DSCAM: variants seen among roughly 807,000 people sequenced by gnomAD.
DSCAM encodes cell adhesion molecule DSCAM.
DSCAM carries 47 observed loss-of-function variants against 217.7 expected under a neutral mutation model. The observed-to-expected ratio is 0.22, with a 90% CI of 0.17 to 0.28. DSCAM has a LOEUF of 0.28. Ranked by LOEUF, DSCAM falls within the 10% of genes least tolerant of loss-of-function variation. The pLI is 1.00. For missense variants in DSCAM, 2,080 were observed against 2,618.3 expected, an observed-to-expected ratio of 0.79 and a Z score of 4.49; for synonymous variants, 1,056 against 1,015.3, an observed-to-expected ratio of 1.04 and a Z score of -0.76.
chr21:40,194,615 T>C (rs548889621), intron 11 of DSCAM, among the ~76,000 whole-genome samples: 1 of 152,344 alleles, frequency 6.6e-6, no homozygotes, highest in South Asian at 2.1e-4. Context: ...TTACATCATA[T>C]CAATTTATAA....
chr21:40,396,010 T>C (rs546968717), intron 3 of DSCAM, among the ~76,000 whole-genome samples: 1 of 152,322 alleles, frequency 6.6e-6, no homozygotes, highest in Non-Finnish European at 1.5e-5. Flanking sequence ...GCTGACTTTA[T>C]GCCTGTGCCT....
At position 40,489,858 on chromosome 21, in the gene DSCAM, A is replaced by G. The variant is rs535198650; in HGVS notation, c.509-120613T>C. On this transcript the variant is annotated intron_variant, in intron 3 of 32. Coordinates refer to ENST00000400454, the MANE Select transcript of DSCAM (RefSeq NM_001389.5). ...CCCTAAGACATCTTCCATCCCCTAA[A>G]TTTTGGAAATGGAAATAAAAATCAA... is the stretch of plus-strand genomic sequence containing the variant. Among the ~76,000 whole-genome samples, 10 of 151,434 alleles carry G rather than the reference A, an allele frequency of 6.6e-5. 1 individual carries two copies. The South Asian group carries it at 2.1e-3, about 32-fold the overall frequency.
chr21:40,022,264 G>T (rs1186700549), intron 32 of DSCAM, among the ~76,000 whole-genome samples: 1 of 152,150 alleles, frequency 6.6e-6, no homozygotes, highest in Non-Finnish European at 1.5e-5. Context: ...ACAGGGGAGG[G>T]TGACACTATT....
rs1294626831 is a variant in DSCAM at position 40,809,961 on chromosome 21, C to T, written c.43+36658G>A. On this transcript the variant is annotated intron_variant, in intron 1 of 32. Coordinates refer to ENST00000400454, the MANE Select transcript of DSCAM (RefSeq NM_001389.5). ...CTTCAGGAGAAAAATATTAGCAGTG[C>T]ATTGCACCATTGCCTCCTGACTTCA... Among the ~76,000 whole-genome samples the T allele has an allele frequency of 4.6e-5, 7 of 152,306 alleles. No homozygotes were observed. The East Asian group carries it at 5.8e-4, about 13-fold the overall frequency.
intron 15 of DSCAM, among the ~76,000 whole-genome samples, chr21:40,169,542 G>A (rs1442034276): frequency 6.6e-6 from 1 of 152,122 alleles, no homozygotes; most frequent in African/African-American, 2.4e-5. Context: ...GGACCAAGCA[G>A]GAAGCTGATT....
chr21:40,315,991 G>A (rs1397755770), intron 8 of DSCAM, among the ~76,000 whole-genome samples: 2 of 152,136 alleles, frequency 1.3e-5, no homozygotes, highest in South Asian at 4.1e-4. Flanking sequence ...TTGTTTGGGA[G>A]CACATTGCCC....
chr21:40,563,261 A>G (rs891478138), intron 3 of DSCAM, among the ~76,000 whole-genome samples: 2 of 152,076 alleles, frequency 1.3e-5, no homozygotes, highest in Admixed American at 1.3e-4. Context: ...CTTGCTAAAC[A>G]AAGATAGTTT....
chr21:40,719,778 T>G (rs2146504640), intron 1 of DSCAM, among the ~76,000 whole-genome samples: 1 of 152,266 alleles, frequency 6.6e-6, no homozygotes, highest in Admixed American at 6.5e-5. Flanking sequence ...AGAATAAAGT[T>G]TGCCCGTGGG....
intron 28 of DSCAM, among the ~76,000 whole-genome samples, chr21:40,060,760 T>TA (rs1257417237): frequency 2.0e-5 from 3 of 152,236 alleles, no homozygotes; most frequent in Admixed American, 6.5e-5. Flanking sequence ...TTCATATTTT[T>TA]AAAGTCTACC....
At chr21:40,312,012 G>A in intron 9 of DSCAM, 69 bp downstream of exon 9, 16 of 1,108,556 alleles carry the variant, frequency 1.4e-5, no homozygotes, top group Non-Finnish European at 1.8e-5. Context: ...AATATTTCAA[G>A]CCCCATCATC....
At chr21:40,324,842 T>C (rs2074300824) in intron 8 of DSCAM, among the ~76,000 whole-genome samples, 1 of 152,192 alleles carries the variant, frequency 6.6e-6, no homozygotes, top group African/African-American at 2.4e-5. Flanking sequence ...GTTTTACTTA[T>C]TTAGTTAGAG....
intron 32 of DSCAM, among the ~76,000 whole-genome samples, chr21:40,022,179 G>A (rs1466392865): frequency 6.6e-6 from 1 of 152,164 alleles, no homozygotes; most frequent in African/African-American, 2.4e-5. Context: ...CACTAGATCA[G>A]AGGCTCTCCA....
chr21:40,037,687 A>G (rs1314746939), intron 32 of DSCAM, among the ~76,000 whole-genome samples: 1 of 149,404 alleles, frequency 6.7e-6, no homozygotes, highest in Non-Finnish European at 1.5e-5. Context: ...ATATGGAACC[A>G]AAAAAGAGCC....
At chr21:40,124,480 G>C in intron 19 of DSCAM, 152 bp from the exon 20 acceptor site, 2 of 942,464 alleles carry the variant, frequency 2.1e-6, no homozygotes, top group East Asian at 5.2e-5. Flanking sequence ...TGCATATGTT[G>C]AAGTCCTAAC....
chr21:40,573,597 A>AC (rs1568914534), intron 3 of DSCAM, among the ~76,000 whole-genome samples: 1 of 152,186 alleles, frequency 6.6e-6, no homozygotes, highest in Non-Finnish European at 1.5e-5. Context: ...TGTAAAACAA[A>AC]AAGTTTTAGC....
intron 1 of DSCAM, among the ~76,000 whole-genome samples, chr21:40,798,688 A>G (rs2091712896): frequency 6.6e-6 from 1 of 152,114 alleles, no homozygotes; most frequent in Non-Finnish European, 1.5e-5. Context: ...TTCATGAAGC[A>G]GTAAAAAAAG....
At chr21:40,602,053 CTTTTTTTT>C (rs761687929) in intron 3 of DSCAM, among the ~76,000 whole-genome samples, 1 of 89,494 alleles carries the variant, frequency 1.1e-5, no homozygotes, top group Non-Finnish European at 2.1e-5. Flanking sequence ...TCTGCTTCTA[CTTTTTTTT>C]TTTTTTTTTT....
At position 40,144,400 on chromosome 21, in the gene DSCAM, C is replaced by T. The variant is rs1380265810; in HGVS notation, c.3259+91G>A. The T allele has an allele frequency of 1.8e-5, 28 of 1,558,858 alleles. No individual in the cohort carries two copies. Among genetic ancestry groups the T allele is most frequent in the Non-Finnish European group, 2.3e-5 (26 of 1,148,374 alleles). On this transcript the variant is annotated intron_variant, in intron 17 of 32. Coordinates refer to ENST00000400454, the MANE Select transcript of DSCAM (RefSeq NM_001389.5). The surrounding 1 kb of genome is among the most constrained non-coding windows in gnomAD (Gnocchi z 4.8). Reference sequence around the variant, plus strand: ...TGCAGGTCACTGCAAAGTCGTGGGGCGGGGGAGTGCGAGGTTGGGGGAGCC... The same window carrying T: ...TGCAGGTCACTGCAAAGTCGTGGGGTGGGGGAGTGCGAGGTTGGGGGAGCC...
chr21:40,051,552 T>A (rs1429632106), intron 30 of DSCAM, among the ~76,000 whole-genome samples: 1 of 152,186 alleles, frequency 6.6e-6, no homozygotes, highest in Non-Finnish European at 1.5e-5. Context: ...ATCTGCAGAA[T>A]AGAGGCTATG....
Sources: gnomAD v4.1 joint callset for allele counts (sites outside exome capture counted in the v4.1 genomes callset) on GRCh38, gnomAD v4.1.1 for gene constraint, Gnocchi (gnomAD v3.1) non-coding constraint, MANE v1.5 for transcripts, NCBI Gene and HGNC (gene_info 2026-07-23, HGNC 2026-07-21) for gene names.